The following RELN variants were observed in gnomAD, a reference collection of about 807,000 sequenced individuals.
RELN encodes the protein reelin.
Under a neutral mutation model 427.6 loss-of-function variants are expected in RELN, and 108 were observed. The observed-to-expected ratio is 0.25, with a 90% confidence interval of 0.22 to 0.30. RELN has a LOEUF of 0.30. RELN is among the 10% of genes least tolerant of loss of function. The pLI, the probability that RELN is intolerant of heterozygous loss-of-function variation, is 1.00. For missense variants in RELN, 3,715 were observed against 4,302.8 expected (o/e 0.86, Z 3.82); for synonymous variants, 1,524 against 1,513.4 (o/e 1.01, Z -0.16).
chr7:103,907,990 G>A (rs1426258662), intron 2 of RELN, among the ~76,000 whole-genome samples: 4 of 151,918 alleles, frequency 2.6e-5, no homozygotes, highest in African/African-American at 4.8e-5. Context: ...AGTGTGTGAC[G>A]TTCCTCTCCC....
chr7:103,593,445 T>C (rs1395196826), intron 27 of RELN, among the ~76,000 whole-genome samples: 1 of 152,176 alleles, frequency 6.6e-6, no homozygotes, highest in Admixed American at 6.5e-5. Context: ...CTGGTAGAGT[T>C]CCTTGAGTAC....
chr7:103,766,982 A>G (rs908716268), intron 4 of RELN, among the ~76,000 whole-genome samples: 6 of 152,240 alleles, frequency 3.9e-5, no homozygotes, highest in Non-Finnish European at 8.8e-5. Flanking sequence ...GGGGCACTAT[A>G]GGGCATGACT....
At chr7:103,758,918 T>C (rs1791227289) in intron 4 of RELN, among the ~76,000 whole-genome samples, 1 of 151,888 alleles carries the variant, frequency 6.6e-6, no homozygotes, top group African/African-American at 2.4e-5. Flanking sequence ...TCTAAGTCTT[T>C]CCTTAGCCGG....
chr7:103,905,773 AC>A (rs76674502), intron 2 of RELN, among the ~76,000 whole-genome samples: 43,355 of 152,032 alleles, frequency 0.29, 6,231 homozygotes, highest in East Asian at 0.42. Flanking sequence ...AGGTTTTTAA[AC>A]AAGCAAATTT....
intron 28 of RELN, among the ~76,000 whole-genome samples, chr7:103,578,369 A>G (rs1036934290): frequency 6.6e-6 from 1 of 152,236 alleles, no homozygotes; most frequent in African/African-American, 2.4e-5. Flanking sequence ...CATTTGGTTA[A>G]TAGGGTAAGT....
At chr7:103,568,015 T>C (rs1241421485) in intron 31 of RELN, among the ~76,000 whole-genome samples, 1 of 152,148 alleles carries the variant, frequency 6.6e-6, no homozygotes, top group Non-Finnish European at 1.5e-5. Context: ...CAGGCTGGTC[T>C]CAAACTCCTG....
chr7:103,921,588 T>A (rs55833200), intron 1 of RELN, among the ~76,000 whole-genome samples: 22,545 of 152,170 alleles, frequency 0.15, 3,769 homozygotes, highest in African/African-American at 0.4. Context: ...TATATTATTA[T>A]CTATAATTAG....
At chr7:103,540,511 T>C (rs1830155016) in intron 43 of RELN, 56 bp from the exon 44 acceptor site, 4 of 1,571,816 alleles carry the variant, frequency 2.5e-6, no homozygotes, top group Non-Finnish European at 3.5e-6. Flanking sequence ...TCCACATGCT[T>C]AACAACAGAC....
At chr7:103,696,931 T>A (rs1833988606) in intron 10 of RELN, among the ~76,000 whole-genome samples, 2 of 152,176 alleles carry the variant, frequency 1.3e-5, no homozygotes, top group African/African-American at 4.8e-5. Flanking sequence ...ACTGGCCATA[T>A]CTTCAAACTT....
Position 103,635,379 on chromosome 7 carries a change from G to T in RELN, c.2465+46C>A, listed in dbSNP as rs188294086. On this transcript the variant is annotated intron_variant, in intron 19 of 64. Coordinates refer to ENST00000428762, the MANE Select transcript of RELN (RefSeq NM_005045.4). ...CATTTGAATTATGATTTCCCCAGGA[G>T]AAGATTTCACTCTACAACCATTTTT... The T allele has an allele frequency of 4.6e-5, 73 of 1,590,822 alleles. No individual in the cohort carries two copies. The Middle Eastern group carries it at 8.8e-4, about 19-fold the overall frequency.
At position 103,903,675 on chromosome 7, in the gene RELN, TTA is replaced by T. The variant is rs540970921; in HGVS notation, c.337+13398_337+13399del. On this transcript the variant is annotated intron_variant, in intron 2 of 64. Transcript: ENST00000428762. Reference sequence around the variant, plus strand: ...GTTCTTTTTTTTGTTTTTGATATGATTATATATGTTTCCTATATATGATTTAT... The same window carrying T: ...GTTCTTTTTTTTGTTTTTGATATGATTATATGTTTCCTATATATGATTTAT... Among the ~76,000 whole-genome samples the T allele has an allele frequency of 1.8e-4, 27 of 152,238 alleles. No individual in the cohort carries two copies. The South Asian group carries it at 3.3e-3, about 19-fold the overall frequency.
At chr7:103,801,005 G>A (rs1792449785) in intron 3 of RELN, among the ~76,000 whole-genome samples, 1 of 152,182 alleles carries the variant, frequency 6.6e-6, no homozygotes, top group Non-Finnish European at 1.5e-5. Context: ...GGCCATCAGA[G>A]AAATGCAAAT....
chr7:103,886,195 A>G (rs899223034), intron 2 of RELN, among the ~76,000 whole-genome samples: 3 of 152,164 alleles, frequency 2.0e-5, no homozygotes, highest in East Asian at 1.9e-4. Context: ...AAATAGGCAA[A>G]AGGAAAGGGA....
At chr7:103,625,378 A>G (rs997381658) in intron 20 of RELN, among the ~76,000 whole-genome samples, 6 of 152,248 alleles carry the variant, frequency 3.9e-5, no homozygotes, top group Non-Finnish European at 8.8e-5. Context: ...TCTAGTTTAT[A>G]CAATAAAGCT....
intron 2 of RELN, among the ~76,000 whole-genome samples, chr7:103,876,689 C>T (rs915346862): frequency 6.6e-6 from 1 of 151,982 alleles, no homozygotes; most frequent in Non-Finnish European, 1.5e-5. Context: ...GAGCTCTTTT[C>T]AGAAATATAC....
intron 4 of RELN, among the ~76,000 whole-genome samples, chr7:103,767,312 T>C (rs1791450850): frequency 6.6e-6 from 1 of 152,212 alleles, no homozygotes; most frequent in African/African-American, 2.4e-5. Flanking sequence ...TTTTAATGTT[T>C]GATCTTTTTT....
chr7:103,741,072 T>G (rs764297814), intron 6 of RELN, among the ~76,000 whole-genome samples: 1 of 152,176 alleles, frequency 6.6e-6, no homozygotes, highest in Non-Finnish European at 1.5e-5. Flanking sequence ...TTCTGACTCT[T>G]TTCTGGGGTA....
intron 28 of RELN, among the ~76,000 whole-genome samples, chr7:103,583,667 A>G (rs1350524887): frequency 2.0e-5 from 3 of 152,232 alleles, no homozygotes. Flanking sequence ...AGGAGAGAAT[A>G]CTAAAGACAA....
intron 3 of RELN, among the ~76,000 whole-genome samples, chr7:103,811,739 C>G (rs1584259950): frequency 2.0e-5 from 3 of 152,086 alleles, no homozygotes; most frequent in Admixed American, 2.0e-4. Context: ...TTCATAAGGG[C>G]AAAAATTCAT....
Sources: gnomAD v4.1 joint callset for allele counts (sites outside exome capture counted in the v4.1 genomes callset) on GRCh38, gnomAD v4.1.1 for gene constraint, MANE v1.5 for transcripts, NCBI Gene and HGNC (gene_info 2026-07-23, HGNC 2026-07-21) for gene names.